KIAA1328: variants seen among roughly 807,000 people sequenced by gnomAD.
KIAA1328 encodes KIAA1328.
In KIAA1328, 52 loss-of-function variants were observed where a neutral mutation model predicts 68.1. That is an observed-to-expected ratio of 0.76 (90% confidence interval 0.61 to 0.96). The LOEUF (loss-of-function observed/expected upper bound fraction) is 0.96. Ranked by LOEUF, KIAA1328 falls within the 40% of genes least tolerant of loss-of-function variation. The pLI is 0.00. For missense variants in KIAA1328, 641 were observed against 677.6 expected (o/e 0.95, Z 0.60); for synonymous variants, 232 against 239.4 (o/e 0.97, Z 0.28).
At chr18:36,954,140 C>T in intron 5 of KIAA1328, among the ~76,000 whole-genome samples, 1 of 151,744 alleles carries the variant, frequency 6.6e-6, no homozygotes, top group Admixed American at 6.6e-5. Flanking sequence ...GTAGCTGGGA[C>T]TACAGGCGCC....
intron 6 of KIAA1328, among the ~76,000 whole-genome samples, chr18:37,002,228 C>CTTTTTTTTTTT (rs145948250): frequency 6.8e-4 from 65 of 95,138 alleles, no homozygotes; most frequent in African/African-American, 1.3e-3. Context: ...ATTTTTTTTT[C>CTTTTTTTTTTT]TTTTTTTTTT....
In KIAA1328 at chr18:37,193,565, G is replaced by T. The variant is rs555146284; in HGVS notation, c.1523+20484G>T. 5.7e-6 allele frequency: 4 copies of T among 702,176 alleles called. No homozygotes were observed. The East Asian group carries it at 1.1e-4, about 19-fold the overall frequency. 43.5% of individuals were successfully genotyped at this position (702,176 alleles called of 1,614,324 possible). On this transcript the variant is annotated intron_variant, in intron 9 of 9. Coordinates refer to ENST00000280020, the MANE Select transcript of KIAA1328 (RefSeq NM_020776.3). ...CCTATTTAATCCTTGAACCACTCAT[G>T]GACATTTTAATTTATTTATTCCTAG...
At chr18:36,893,465 TTGTGTG>T (rs141803952) in intron 5 of KIAA1328, among the ~76,000 whole-genome samples, 53 of 120,648 alleles carry the variant, frequency 4.4e-4, no homozygotes, top group African/African-American at 1.1e-3. Context: ...GTGTGTGTTT[TTGTGTG>T]TGTGTGTGTG....
intron 9 of KIAA1328, among the ~76,000 whole-genome samples, chr18:37,221,135 G>GT (rs1311183090): frequency 5.3e-5 from 8 of 152,138 alleles, no homozygotes; most frequent in East Asian, 1.9e-4. Context: ...CCCCCAGAAT[G>GT]TTTTTTTACC....
At chr18:36,831,950 CA>C (rs1162523851) in intron 1 of KIAA1328, among the ~76,000 whole-genome samples, 15 of 151,854 alleles carry the variant, frequency 9.9e-5, no homozygotes, top group Admixed American at 2.0e-4. Context: ...AAATAGCACA[CA>C]AAAAAATACA....
chr18:36,964,237 T>C (rs1452847764), intron 6 of KIAA1328, among the ~76,000 whole-genome samples: 1 of 152,210 alleles, frequency 6.6e-6, no homozygotes, highest in Non-Finnish European at 1.5e-5. Context: ...TTTTAAACTC[T>C]AGAGCACAAA....
chr18:37,055,349 A>G (rs1044425809), intron 6 of KIAA1328, among the ~76,000 whole-genome samples: 2 of 152,240 alleles, frequency 1.3e-5, no homozygotes, highest in Admixed American at 1.3e-4. Context: ...TAATTCATGA[A>G]TTAGATGATT....
chr18:36,836,333 A>G (rs968544520), intron 3 of KIAA1328, among the ~76,000 whole-genome samples: 1 of 152,200 alleles, frequency 6.6e-6, no homozygotes, highest in African/African-American at 2.4e-5. Context: ...TTTTACATTG[A>G]ACAATAGCCT....
At chr18:37,035,247 T>G (rs1234854727) in intron 6 of KIAA1328, among the ~76,000 whole-genome samples, 1 of 152,244 alleles carries the variant, frequency 6.6e-6, no homozygotes, top group African/African-American at 2.4e-5. Context: ...TATTTGCTAG[T>G]GCAGTGGTTC....
At chr18:37,171,695 G>T (rs1308909924) in intron 8 of KIAA1328, among the ~76,000 whole-genome samples, 1 of 152,064 alleles carries the variant, frequency 6.6e-6, no homozygotes, top group Non-Finnish European at 1.5e-5. Flanking sequence ...TTTAGAGGCT[G>T]GTCTTTTACA....
chr18:37,130,624 A>C (rs1455281945), intron 7 of KIAA1328, among the ~76,000 whole-genome samples: 1 of 152,278 alleles, frequency 6.6e-6, no homozygotes, highest in East Asian at 1.9e-4. Flanking sequence ...CTCAAAAAAA[A>C]AAGAAAAAAG....
downstream of KIAA1328, chr18:37,229,729 A>G: frequency 6.3e-6 from 2 of 317,716 alleles, no homozygotes; most frequent in South Asian, 3.0e-5. Context: ...TTGTAAAAAT[A>G]CAAAAAATTA....
rs1380756799 is a variant in KIAA1328 at position 37,160,184 on chromosome 18, A to T, written c.1233-16A>T. 1.1e-5 allele frequency: 17 copies of T among 1,602,850 alleles called. No homozygotes were observed. The highest frequency in any genetic ancestry group is 1.4e-5 in the Non-Finnish European group (17 of 1,173,940). On this transcript the variant is annotated splice_polypyrimidine_tract_variant and intron_variant, in intron 7 of 9. Transcript: ENST00000280020. ...CTTCTGTGCCTTCAACAGTTCATTCATCGTTGTTCTTTCAGTTTATTGAAG... is the reference window on the plus strand; with the variant it reads ...CTTCTGTGCCTTCAACAGTTCATTCTTCGTTGTTCTTTCAGTTTATTGAAG...
chr18:37,226,715 C>CTTTT (rs763991741), downstream of KIAA1328, among the ~76,000 whole-genome samples: 81 of 128,658 alleles, frequency 6.3e-4, no homozygotes, highest in Non-Finnish European at 1.0e-3. Context: ...GGGTTGTTCC[C>CTTTT]TTTTTTTTTT....
chr18:37,113,101 G>C (rs972215148), intron 7 of KIAA1328, among the ~76,000 whole-genome samples: 1 of 152,176 alleles, frequency 6.6e-6, no homozygotes, highest in Non-Finnish European at 1.5e-5. Context: ...TATCAACCAG[G>C]AGAACTTCCC....
intron 6 of KIAA1328, among the ~76,000 whole-genome samples, chr18:37,043,616 T>C (rs1337405888): frequency 1.3e-5 from 2 of 152,240 alleles, no homozygotes; most frequent in Non-Finnish European, 2.9e-5. Flanking sequence ...CAAGTCATTC[T>C]GGCTTCAACC....
chr18:37,054,663 T>C (rs988171267), intron 6 of KIAA1328, among the ~76,000 whole-genome samples: 1 of 152,002 alleles, frequency 6.6e-6, no homozygotes, highest in Non-Finnish European at 1.5e-5. Flanking sequence ...GACTCCAAAA[T>C]GGGAGTGGAA....
chr18:37,170,034 G>A (rs2059470375), intron 8 of KIAA1328, among the ~76,000 whole-genome samples: 1 of 152,054 alleles, frequency 6.6e-6, no homozygotes, highest in South Asian at 2.1e-4. Flanking sequence ...CCTTTCAGTT[G>A]TTTCTACTCC....
intron 5 of KIAA1328, among the ~76,000 whole-genome samples, chr18:36,897,581 C>G (rs139040110): frequency 3.2e-4 from 49 of 152,010 alleles, no homozygotes; most frequent in Non-Finnish European, 5.9e-4. Context: ...GAAAAGTTGA[C>G]AATAAGGACA....
Sources: gnomAD v4.1 joint callset for allele counts (sites outside exome capture counted in the v4.1 genomes callset) on GRCh38, gnomAD v4.1.1 for gene constraint, MANE v1.5 for transcripts, NCBI Gene and HGNC (gene_info 2026-07-23, HGNC 2026-07-21) for gene names.